The following ABCC6 variants were observed in gnomAD, a reference collection of about 807,000 sequenced individuals.
ABCC6 encodes ATP binding cassette subfamily C member 6.
Under a neutral mutation model 169.5 loss-of-function variants are expected in ABCC6, and 126 were observed. That is an observed-to-expected ratio of 0.74 (90% confidence interval 0.64 to 0.86). The LOEUF (loss-of-function observed/expected upper bound fraction) is 0.86, where lower values mean the gene tolerates loss of function less well. Among genes scored for constraint, ABCC6 ranks in the 40% least tolerant of loss-of-function variants. ABCC6 has a pLI of 0.00. For missense variants in ABCC6, 1,733 were observed against 1,927.2 expected (o/e 0.90, Z 1.89); for synonymous variants, 752 against 814.7 (o/e 0.92, Z 1.31).
At chr16:16,211,710 T>A (rs1291502058) in intron 6 of ABCC6, among the ~76,000 whole-genome samples, 1 of 152,178 alleles carries the variant, frequency 6.6e-6, no homozygotes, top group Non-Finnish European at 1.5e-5. Context: ...GCAGCTGTTT[T>A]CTCAATCTGC....
At chr16:16,210,624 A>G (rs1206705845) in intron 6 of ABCC6, among the ~76,000 whole-genome samples, 1 of 152,338 alleles carries the variant, frequency 6.6e-6, no homozygotes. Context: ...TATTCGAGTA[A>G]AAAAAGTGAC....
intron 6 of ABCC6, among the ~76,000 whole-genome samples, chr16:16,209,804 C>T (rs140304613): frequency 6.6e-6 from 1 of 152,158 alleles, no homozygotes; most frequent in East Asian, 1.9e-4. Context: ...CCATGCTGGC[C>T]AGGCTGGTCT....
intron 9 of ABCC6, among the ~76,000 whole-genome samples, chr16:16,198,689 A>T (rs2048135660): frequency 6.6e-6 from 1 of 150,950 alleles, no homozygotes; most frequent in African/African-American, 2.4e-5. Flanking sequence ...GCTCTACAAA[A>T]TACTTTAAAA....
chr16:16,188,371 G>A (rs1046767147), intron 13 of ABCC6, among the ~76,000 whole-genome samples: 2 of 152,068 alleles, frequency 1.3e-5, no homozygotes, highest in Non-Finnish European at 2.9e-5. Flanking sequence ...CAGCCTGGGT[G>A]ACAGAGTGAG....
At chr16:16,200,486 G>A (rs1461364244) in intron 9 of ABCC6, among the ~76,000 whole-genome samples, 1 of 148,418 alleles carries the variant, frequency 6.7e-6, no homozygotes, top group Non-Finnish European at 1.5e-5. Flanking sequence ...GATCTCATCA[G>A]GAGATCAAAG....
chr16:16,157,157 AAAT>A (rs2046577340), intron 27 of ABCC6, among the ~76,000 whole-genome samples: 1 of 152,062 alleles, frequency 6.6e-6, no homozygotes, highest in African/African-American at 2.4e-5. Flanking sequence ...GTGAAAACGC[AAAT>A]AATAAAAGCA....
At chr16:16,176,066 G>T in intron 19 of ABCC6, 80 bp from the exon 20 acceptor site, 1 of 1,373,796 alleles carries the variant, frequency 7.3e-7, no homozygotes, top group South Asian at 1.2e-5. Context: ...GGCCTTAACC[G>T]CTCTGACCAT....
chr16:16,189,118 G>T, intron 12 of ABCC6, 144 bp from the exon 13 acceptor site: 1 of 939,226 alleles, frequency 1.1e-6, no homozygotes, highest in South Asian at 1.4e-5. Flanking sequence ...CCCACTCCCA[G>T]TCCTGCTAAC....
chr16:16,221,750 G>A lies in ABCC6; in HGVS notation c.118C>T (p.Pro40Ser), dbSNP rs778544828. The change falls in exon 2 of 31, where the codon CCC becomes TCC. Residue 40 changes from proline to serine, a missense_variant. By Grantham distance (74) the Pro-to-Ser change is moderately conservative. Coordinates refer to ENST00000205557, the MANE Select transcript of ABCC6 (RefSeq NM_001171.6). ...CFLRTAGVWVPPMYLWVLGPI... is the reference protein window; with the variant it reads ...CFLRTAGVWVSPMYLWVLGPI... ...CCAAGGACCCAGAGGTACATGGGGGGTACCCAGACCCCTGCTGTTCTCAGG... is the reference window on the plus strand; with the variant it reads ...CCAAGGACCCAGAGGTACATGGGGGATACCCAGACCCCTGCTGTTCTCAGG... 2 of 1,613,712 alleles carry A rather than the reference G, an allele frequency of 1.2e-6. No individual in the cohort carries two copies. Among genetic ancestry groups the A allele is most frequent in the Non-Finnish European group, 1.7e-6 (2 of 1,179,766 alleles).
intron 4 of ABCC6, among the ~76,000 whole-genome samples, chr16:16,216,165 T>G (rs1256437609): frequency 2.0e-5 from 3 of 151,290 alleles, no homozygotes; most frequent in East Asian, 4.0e-4. Context: ...CAGATGATCC[T>G]CCTGCCTTGG....
At chr16:16,188,322 G>A (rs1324100548) in intron 13 of ABCC6, among the ~76,000 whole-genome samples, 3 of 151,368 alleles carry the variant, frequency 2.0e-5, no homozygotes, top group Non-Finnish European at 4.4e-5. Context: ...AATCTGCGAG[G>A]TAGATCTTGC....
At chr16:16,157,852 A>C in intron 26 of ABCC6, 43 bp from the exon 27 acceptor site, 1 of 1,590,538 alleles carries the variant, frequency 6.3e-7, no homozygotes, top group Non-Finnish European at 8.5e-7. Context: ...CCTTCCTCTA[A>C]GACTTCACAC....
At chr16:16,201,045 C>A (rs1321792728) in intron 9 of ABCC6, among the ~76,000 whole-genome samples, 1 of 152,176 alleles carries the variant, frequency 6.6e-6, no homozygotes, top group Non-Finnish European at 1.5e-5. Flanking sequence ...CAGTTCACTG[C>A]AACCTCCACC....
chr16:16,150,166 A>G lies in ABCC6; in HGVS notation c.4479T>C (p.Phe1493=), dbSNP rs1277796923. 1.9e-6 allele frequency: 3 copies of G among 1,613,142 alleles called. No individual in the cohort carries two copies. In the African/African-American group the frequency reaches 4.0e-5, roughly 22 times the overall value. Residue 1493 remains phenylalanine, a synonymous_variant, in exon 31 of 31, where the codon TTT becomes TTC. Transcript: ENST00000205557. ...GGCCTGACTCCTGGGCCAGTCTGTA[A>G]AACAGGCCCTTCTGGGCCAGCAGCT... ...PAQLLAQKGL[F]YRLAQESGLV
rs1353117154 is a variant in ABCC6 at position 16,182,341 on chromosome 16, G to C, written c.2247+71C>G. On this transcript the variant is annotated intron_variant, in intron 17 of 30. Coordinates refer to ENST00000205557, the MANE Select transcript of ABCC6 (RefSeq NM_001171.6). The stretch of plus-strand genomic sequence containing the variant: ...CTCATTTCTCCATCATACTGCCCAT[G>C]ATGAGTCGGGGACCCAAATGACTCC... The C allele has an allele frequency of 6.3e-6, 10 of 1,575,642 alleles. No individual in the cohort carries two copies. The East Asian group carries it at 1.6e-4, about 25-fold the overall frequency.
rs1196273822 is a variant in ABCC6, at chr16:16,203,504, C to T, written c.904G>A (p.Ala302Thr). 3 of 1,614,004 alleles carry T rather than the reference C, an allele frequency of 1.9e-6. No individual in the cohort carries two copies. In the South Asian group the frequency reaches 3.3e-5, roughly 18 times the overall value. ...EGSQWRPLLKAIWQVFHSTFL... is the reference protein window; with the variant it reads ...EGSQWRPLLKTIWQVFHSTFL... Reference sequence around the variant, plus strand: ...GTAGAATGGAACACCTGCCAGATGGCCTTCAGCAGTGGGCGCCACTGGCTC... The same window carrying T: ...GTAGAATGGAACACCTGCCAGATGGTCTTCAGCAGTGGGCGCCACTGGCTC... Residue 302 changes from alanine (A) to threonine (T), a missense_variant, in exon 8 of 31, where the codon GCC becomes ACC. Ala to Thr is a moderately conservative substitution (Grantham distance 58, BLOSUM62 0). This residue lies in a region of ABCC6 where 1,601 missense variants were observed against 1,635.5 expected (regional missense o/e 0.98). Transcript: ENST00000205557.
chr16:16,153,930 G>A (rs970937716), intron 29 of ABCC6, among the ~76,000 whole-genome samples: 4 of 150,782 alleles, frequency 2.7e-5, no homozygotes, highest in African/African-American at 9.7e-5. Context: ...AAAAAAAAAA[G>A]GTTGAGATAG....
At chr16:16,171,939 G>GATGGATAAATGAGTGGT (rs2047094953) in intron 21 of ABCC6, among the ~76,000 whole-genome samples, 1 of 140,248 alleles carries the variant, frequency 7.1e-6, no homozygotes, top group African/African-American at 2.7e-5. Context: ...AAATGGGTGG[G>GATGGATAAATGAGTGGT]TGGGATGGAT....
chr16:16,174,689 G>A (rs1038887280), intron 20 of ABCC6, among the ~76,000 whole-genome samples: 15 of 147,282 alleles, frequency 1.0e-4, no homozygotes, highest in Admixed American at 7.6e-4. Context: ...CCTGGGAGAC[G>A]GGGATTGCAG....
Sources: gnomAD v4.1 joint callset for allele counts (sites outside exome capture counted in the v4.1 genomes callset) on GRCh38, gnomAD v4.1.1 for gene constraint, gnomAD v4.1.1 regional missense constraint, MANE v1.5 for transcripts, NCBI Gene and HGNC (gene_info 2026-07-23, HGNC 2026-07-21) for gene names.